Variants in REC8 observed in about 807,000 individuals in gnomAD.
The protein encoded by REC8 is meiotic recombination protein REC8 homolog.
Under a neutral mutation model 78.3 loss-of-function variants are expected in REC8, and 42 were observed. The observed-to-expected ratio is 0.54, with a 90% CI of 0.42 to 0.69. The LOEUF is 0.69. Ranked by LOEUF, REC8 falls within the 30% of genes least tolerant of loss-of-function variation. The pLI is 0.00. For missense variants in REC8, 581 were observed against 715.8 expected (o/e 0.81, Z 2.15); for synonymous variants, 268 against 274.1 (o/e 0.98, Z 0.22).
chr14:24,177,983 T>C, intron 11 of REC8, 108 bp from the exon 12 acceptor site: 1 of 1,525,450 alleles, frequency 6.6e-7, no homozygotes, highest in Non-Finnish European at 8.8e-7. Flanking sequence ...ACAAGCCCTC[T>C]CCAGGTTCCT....
chr14:24,177,048 G>A (rs2038927970), intron 7 of REC8, 93 bp from the exon 8 acceptor site: 2 of 1,397,132 alleles, frequency 1.4e-6, no homozygotes, highest in South Asian at 1.2e-5. Flanking sequence ...ACCTGGCCCT[G>A]TGGCATGCCT....
At chr14:24,172,863 T>C in intron 2 of REC8, 36 bp from the exon 3 acceptor site, 2 of 1,613,680 alleles carry the variant, frequency 1.2e-6, no homozygotes, top group Non-Finnish European at 1.7e-6. Context: ...GGCCCACTCC[T>C]GGACGCAGCG....
downstream of REC8, chr14:24,180,668 G>A: frequency 1.2e-6 from 2 of 1,614,014 alleles, no homozygotes; most frequent in East Asian, 2.2e-5. Context: ...GCAAGCCCCT[G>A]CCTATGACTC....
chr14:24,180,309 GGCA>G, downstream of REC8: 3 of 1,505,414 alleles, frequency 2.0e-6, no homozygotes, highest in Non-Finnish European at 2.7e-6. Context: ...AGCCCTGTAA[GGCA>G]GCAAGTGGGG....
chr14:24,175,308 C>G (rs1257757522), intron 5 of REC8: 1 of 407,092 alleles, frequency 2.5e-6, no homozygotes, highest in Non-Finnish European at 4.5e-6. Context: ...GCCCGGCCTT[C>G]TTGCACAAAT....
chr14:24,178,744 C>G, intron 13 of REC8, 33 bp from the exon 14 acceptor site: 2 of 1,611,070 alleles, frequency 1.2e-6, no homozygotes, highest in Middle Eastern at 1.7e-4. Context: ...CCTCACGCCT[C>G]AAACCCCGTG....
Position 24,177,340 on chromosome 14 carries a change from T to G in REC8, c.707-13T>G. On this transcript the variant is annotated splice_polypyrimidine_tract_variant and intron_variant, in intron 8 of 18. Transcript: ENST00000611366. ...CTTTTTCTGTCCTCTGAACTCTGAT[T>G]CTCTCTCCACAGTCCCGCGGCTCCC... The G allele has an allele frequency of 6.2e-7, 1 of 1,614,162 alleles. No homozygotes were observed. Among genetic ancestry groups the G allele is most frequent in the Non-Finnish European group, 8.5e-7 (1 of 1,180,024 alleles).
chr14:24,180,519 C>A (rs376690871), downstream of REC8: 7 of 1,613,892 alleles, frequency 4.3e-6, no homozygotes, highest in South Asian at 1.1e-5. Flanking sequence ...TGAAAGCTGT[C>A]GGTGTGCTGT....
chr14:24,178,105 C>T lies in REC8; in HGVS notation c.879C>T (p.Val293=). The change falls in exon 12 of 19, where the codon GTC becomes GTT. Residue 293 remains valine (V), a synonymous_variant. Coordinates refer to ENST00000611366, the MANE Select transcript of REC8 (RefSeq NM_001048205.2). ...CCACTCAACAGAGGAGGCCCCCAGTCCCCCCACCTCCTCGCCGCCGCCGTC... is the reference window on the plus strand; with the variant it reads ...CCACTCAACAGAGGAGGCCCCCAGTTCCCCCACCTCCTCGCCGCCGCCGTC... The part of the protein sequence containing the change: ...APPSPERRPP[V]PPPPRRRRRR... 6.2e-7 allele frequency: 1 copy of T among 1,613,310 alleles called. No individual in the cohort carries two copies. The highest frequency in any genetic ancestry group is 8.5e-7 in the Non-Finnish European group (1 of 1,179,520).
At position 24,179,460 on chromosome 14, in the gene REC8, G is replaced by A. The variant is rs775450894; in HGVS notation, c.1316G>A (p.Arg439Gln). ...SRISLIPPEE[R>Q]WAWPEVEAPE... is the part of the protein sequence containing the mutation. ...ATCAGCCTCATCCCACCAGAAGAACGGTGGTAAGCGGCCAGGCTCCGTGGG... is the reference window on the plus strand; with the variant it reads ...ATCAGCCTCATCCCACCAGAAGAACAGTGGTAAGCGGCCAGGCTCCGTGGG... Residue 439 changes from arginine (R) to glutamine (Q), a missense_variant, in exon 16 of 19, where the codon CGG (arginine) becomes CAG (glutamine). Arg to Gln is a conservative substitution (Grantham distance 43). Transcript: ENST00000611366. 5 of 1,614,136 alleles carry A rather than the reference G, an allele frequency of 3.1e-6. No homozygotes were observed. The highest frequency in any genetic ancestry group is 1.6e-4 in the Middle Eastern group (1 of 6,062).
downstream of REC8, chr14:24,180,354 T>A: frequency 6.6e-7 from 1 of 1,526,184 alleles, no homozygotes; most frequent in Non-Finnish European, 8.8e-7. Context: ...TCTCAGAATC[T>A]TTGGTAAGGC....
At chr14:24,180,519 C>T (rs376690871), downstream of REC8, 27 of 1,613,892 alleles carry the variant, frequency 1.7e-5, no homozygotes, top group Middle Eastern at 1.6e-4. Context: ...TGAAAGCTGT[C>T]GGTGTGCTGT....
intron 11 of REC8, 152 bp from the exon 12 acceptor site, chr14:24,177,939 A>G (rs1341855595): frequency 6.7e-7 from 1 of 1,501,732 alleles, no homozygotes; most frequent in Non-Finnish European, 8.9e-7. Context: ...CCCTTATGCA[A>G]GGTATGAGCT....
intron 5 of REC8, 55 bp from the exon 6 acceptor site, chr14:24,175,488 G>A (rs1471567213): frequency 1.4e-6 from 2 of 1,388,928 alleles, no homozygotes; most frequent in Non-Finnish European, 2.0e-6. Context: ...TGAAAAGTGG[G>A]AAAGCAGGGG....
At chr14:24,175,795 T>A (rs2038870428) in intron 6 of REC8, among the ~76,000 whole-genome samples, 171 bp downstream of exon 6, 1 of 151,320 alleles carries the variant, frequency 6.6e-6, no homozygotes, top group Non-Finnish European at 1.5e-5. Context: ...CGATCTCGGC[T>A]CACTGCAAGC....
intron 6 of REC8, among the ~76,000 whole-genome samples, chr14:24,175,973 G>A (rs1280292469): frequency 6.6e-6 from 1 of 151,304 alleles, no homozygotes; most frequent in Non-Finnish European, 1.5e-5. Context: ...AAAGTGCTAG[G>A]ATTACAGGTG....
At chr14:24,176,713 G>C (rs1248465402) in intron 6 of REC8, 109 bp from the exon 7 acceptor site, 2 of 818,070 alleles carry the variant, frequency 2.4e-6, no homozygotes, top group Non-Finnish European at 4.1e-6. Flanking sequence ...GCCTGGGTCT[G>C]ATTAGAATCC....
At chr14:24,174,144 T>C (rs2038787091) in intron 5 of REC8, among the ~76,000 whole-genome samples, 1 of 152,096 alleles carries the variant, frequency 6.6e-6, no homozygotes, top group Non-Finnish European at 1.5e-5. Context: ...ATTACAGACA[T>C]GAGCCACAGA....
intron 5 of REC8, 62 bp downstream of exon 5, chr14:24,173,473 T>C (rs1308774926): frequency 1.9e-6 from 3 of 1,597,194 alleles, no homozygotes. Flanking sequence ...TGTCCCTGTG[T>C]CACTCTGACA....
Sources: allele counts gnomAD v4.1 joint callset (sites outside exome capture counted in the v4.1 genomes callset), GRCh38; gene constraint gnomAD v4.1.1; transcripts MANE v1.5; gene names NCBI Gene and HGNC (gene_info 2026-07-23, HGNC 2026-07-21).